Variants in UBL3 observed in about 807,000 individuals in gnomAD.
The protein encoded by UBL3 is ubiquitin-like protein 3.
UBL3 carries 6 observed loss-of-function variants against 18.4 expected under a neutral mutation model. The observed-to-expected ratio is 0.33, with a 90% CI of 0.18 to 0.64. The LOEUF is 0.64. Among genes scored for constraint, UBL3 ranks in the 30% least tolerant of loss-of-function variants. UBL3 has a pLI of 0.76. For synonymous variants in UBL3, 49 were observed against 46.6 expected (o/e 1.05, Z -0.21); for missense variants, 109 against 142.9 (o/e 0.76, Z 1.21).
intron 1 of UBL3, among the ~76,000 whole-genome samples, chr13:29,801,373 G>GC (rs112911232): frequency 0.014 from 2,172 of 152,270 alleles, 48 homozygotes; most frequent in African/African-American, 0.048. Flanking sequence ...CAGCGGTTCT[G>GC]CCCCTGCTGC....
At chr13:29,801,082 A>G (rs565113078) in intron 1 of UBL3, among the ~76,000 whole-genome samples, 1 of 152,296 alleles carries the variant, frequency 6.6e-6, no homozygotes, top group East Asian at 1.9e-4. Context: ...AAAATCCCAG[A>G]GACAACCCAC....
chr13:29,838,649 T>G (rs531942671), intron 1 of UBL3, among the ~76,000 whole-genome samples: 29 of 152,218 alleles, frequency 1.9e-4, no homozygotes, highest in African/African-American at 6.7e-4. Context: ...GTAAAAGAAT[T>G]TATAACAGAG....
At chr13:29,790,249 C>T (rs1469209043) in intron 1 of UBL3, among the ~76,000 whole-genome samples, 1 of 152,086 alleles carries the variant, frequency 6.6e-6, no homozygotes, top group Non-Finnish European at 1.5e-5. Flanking sequence ...TCAATAATGA[C>T]CAATTCATTC....
intron 1 of UBL3, among the ~76,000 whole-genome samples, chr13:29,778,890 T>G (rs1565989831): frequency 6.6e-6 from 1 of 152,218 alleles, no homozygotes. Context: ...GAACCTGTAT[T>G]CTATCTACAT....
chr13:29,804,453 G>A (rs7987409), intron 1 of UBL3, among the ~76,000 whole-genome samples: 14 of 152,134 alleles, frequency 9.2e-5, no homozygotes, highest in Non-Finnish European at 1.2e-4. Flanking sequence ...AAAACTAGCC[G>A]AAGACAAGAA....
chr13:29,831,901 T>C (rs889705581), intron 1 of UBL3, among the ~76,000 whole-genome samples: 1 of 152,112 alleles, frequency 6.6e-6, no homozygotes, highest in African/African-American at 2.4e-5. Context: ...TGTCCAATAA[T>C]AGTAGCCACT....
intron 1 of UBL3, among the ~76,000 whole-genome samples, chr13:29,832,166 CTCTGCCCTCAGAGTAAGTACATAG>C (rs1878793772): frequency 6.6e-6 from 1 of 152,170 alleles, no homozygotes; most frequent in Non-Finnish European, 1.5e-5. Flanking sequence ...GATGAGGCCT[CTCTGCCCTCAGAGTAAGTACATAG>C]TCTGTTTAGT....
intron 1 of UBL3, among the ~76,000 whole-genome samples, chr13:29,842,993 T>C (rs186693169): frequency 5.3e-5 from 8 of 152,166 alleles, no homozygotes; most frequent in Non-Finnish European, 8.8e-5. Context: ...TCCACACCCA[T>C]AGCAAATTAA....
At chr13:29,778,280 T>C (rs1565989700) in intron 1 of UBL3, among the ~76,000 whole-genome samples, 1 of 152,218 alleles carries the variant, frequency 6.6e-6, no homozygotes, top group Non-Finnish European at 1.5e-5. Context: ...TCCAAGTCAA[T>C]ATATATTTGC....
chr13:29,849,653 T>C lies in UBL3; in HGVS notation c.-115A>G. ...ATTTTGACTGGTTCGTGATGTGCTT[T>C]CTCCCCCAAAAATAAAGTTATTTTG... On this transcript the variant is annotated 5_prime_UTR_variant, in exon 1 of 5. Coordinates refer to ENST00000380680, the MANE Select transcript of UBL3 (RefSeq NM_007106.4). 2 of 1,364,400 alleles carry C rather than the reference T, an allele frequency of 1.5e-6. No individual in the cohort carries two copies. Among genetic ancestry groups the C allele is most frequent in the Non-Finnish European group, 2.0e-6 (2 of 977,216 alleles). 84.5% of individuals were successfully genotyped at this position (1,364,400 alleles called of 1,614,324 possible).
At chr13:29,818,543 T>C (rs1265520866) in intron 1 of UBL3, among the ~76,000 whole-genome samples, 1 of 152,240 alleles carries the variant, frequency 6.6e-6, no homozygotes, top group Non-Finnish European at 1.5e-5. Flanking sequence ...AATTTTTCTC[T>C]GTTTAAGAAC....
intron 1 of UBL3, among the ~76,000 whole-genome samples, chr13:29,839,932 A>C (rs530462228): frequency 4.0e-5 from 5 of 124,784 alleles, no homozygotes; most frequent in African/African-American, 1.4e-4. Context: ...GTCTCGGGGG[A>C]AAAAAAAAAA....
At chr13:29,778,057 G>C (rs1463705560) in intron 1 of UBL3, among the ~76,000 whole-genome samples, 1 of 152,132 alleles carries the variant, frequency 6.6e-6, no homozygotes, top group Non-Finnish European at 1.5e-5. Context: ...GTGAGCCACT[G>C]TGCCCAGCCA....
At position 29,765,545 on chromosome 13, in the gene UBL3, A is replaced by C. The variant is rs1876654033; in HGVS notation, c.*1710T>G. The C allele has an allele frequency of 6.6e-6, 1 of 152,538 alleles. No individual in the cohort carries two copies. The highest frequency in any genetic ancestry group is 1.5e-5 in the Non-Finnish European group (1 of 67,988). The allele number at this position is 152,538 out of a possible 1,614,324, so 9.4% of individuals were successfully genotyped here. ...AAAAGCTTAAGAAATGAAAGTAGAA[A>C]ACATGAATGAGACGGTGCTTAAACA... On this transcript the variant is annotated 3_prime_UTR_variant, in exon 5 of 5. Transcript: ENST00000380680.
intron 1 of UBL3, among the ~76,000 whole-genome samples, chr13:29,819,180 T>C (rs1351319441): frequency 2.0e-5 from 3 of 152,368 alleles, no homozygotes; most frequent in Middle Eastern, 6.8e-3. Context: ...TCTGTATGTT[T>C]GAAATTTTTC....
chr13:29,844,807 A>C (rs78101396), intron 1 of UBL3, among the ~76,000 whole-genome samples: 1,605 of 152,310 alleles, frequency 0.011, 32 homozygotes, highest in African/African-American at 0.037. Flanking sequence ...TAGCACCATC[A>C]GTATTTTATC....
intron 1 of UBL3, among the ~76,000 whole-genome samples, chr13:29,835,993 A>G (rs1264423826): frequency 2.6e-5 from 4 of 152,164 alleles, no homozygotes; most frequent in Non-Finnish European, 5.9e-5. Context: ...TTATTCTTCA[A>G]TGGAAAACAC....
intron 1 of UBL3, among the ~76,000 whole-genome samples, chr13:29,845,545 A>G (rs1414896563): frequency 6.6e-6 from 1 of 152,078 alleles, no homozygotes; most frequent in Admixed American, 6.6e-5. Flanking sequence ...TATATTCAAC[A>G]TATGTCATTT....
chr13:29,769,285 C>T (rs963723891), intron 3 of UBL3, among the ~76,000 whole-genome samples: 2 of 152,054 alleles, frequency 1.3e-5, no homozygotes, highest in Non-Finnish European at 2.9e-5. Flanking sequence ...TTTGAAGTTA[C>T]AAATGTAATG....
Sources: gnomAD v4.1 joint callset for allele counts (sites outside exome capture counted in the v4.1 genomes callset) on GRCh38, gnomAD v4.1.1 for gene constraint, MANE v1.5 for transcripts, NCBI Gene and HGNC (gene_info 2026-07-23, HGNC 2026-07-21) for gene names.